The following FRA10AC1 variants were observed in gnomAD, a reference collection of about 807,000 sequenced individuals.
FRA10AC1 encodes the protein protein FRA10AC1.
FRA10AC1 carries 43 observed loss-of-function variants against 56.5 expected under a neutral mutation model. The ratio of observed to expected loss-of-function variants is 0.76; its 90% confidence interval spans 0.60 to 0.98. FRA10AC1 has a LOEUF of 0.98. FRA10AC1 is among the 50% of genes least tolerant of loss of function. FRA10AC1 has a pLI of 0.00. For missense variants in FRA10AC1, 346 were observed against 351.8 expected (o/e 0.98, Z 0.13); for synonymous variants, 112 against 110.5 (o/e 1.01, Z -0.09).
chr10:93,699,923 T>C (rs1474079477), intron 2 of FRA10AC1, 107 bp downstream of exon 2: 2 of 636,522 alleles, frequency 3.1e-6, no homozygotes, highest in African/African-American at 1.9e-5. Flanking sequence ...CTAGAGCAAT[T>C]GTCTTCACAT....
chr10:93,692,999 G>A (rs1212242858), intron 5 of FRA10AC1, among the ~76,000 whole-genome samples: 1 of 152,054 alleles, frequency 6.6e-6, no homozygotes, highest in Non-Finnish European at 1.5e-5. Flanking sequence ...AGTTACCAAA[G>A]CTAGAATGAG....
chr10:93,673,397 T>C (rs1420738892), intron 12 of FRA10AC1: 1 of 456,248 alleles, frequency 2.2e-6, no homozygotes, highest in Admixed American at 2.4e-5. Context: ...ATTTCAAGTT[T>C]TCTCCATACC....
At chr10:93,680,811 C>T (rs186755130) in intron 11 of FRA10AC1, among the ~76,000 whole-genome samples, 292 of 152,246 alleles carry the variant, frequency 1.9e-3, no homozygotes, top group Non-Finnish European at 2.1e-3. Flanking sequence ...GTTTCAACTT[C>T]TGAACAATTC....
At chr10:93,676,066 A>G (rs1183198544) in intron 12 of FRA10AC1, among the ~76,000 whole-genome samples, 1 of 152,216 alleles carries the variant, frequency 6.6e-6, no homozygotes, top group East Asian at 1.9e-4. Context: ...AAGAACACTG[A>G]CAAATCTGTG....
rs750934916 is a variant in FRA10AC1 at position 93,676,689 on chromosome 10, G to A, written c.790C>T (p.His264Tyr). 15 of 1,567,114 alleles carry A rather than the reference G, an allele frequency of 9.6e-6. No homozygotes were observed. Among genetic ancestry groups the A allele is most frequent in the Middle Eastern group, 1.7e-4 (1 of 5,924 alleles). Residue 264 changes from histidine to tyrosine, a missense_variant and splice_region_variant, in exon 12 of 14, where the codon CAT becomes TAT. By Grantham distance (83) the His-to-Tyr change is moderately conservative. Transcript: ENST00000359204. ...TCTTCAGATTTCTTTGAAGATGAAT[G>A]TCCTGAAAAGGAAACATCATTGATT... ...EEASKKKDKG[H>Y]SSSKKSEDSL...
chr10:93,694,642 C>T (rs1000478477), intron 5 of FRA10AC1, among the ~76,000 whole-genome samples: 1 of 144,026 alleles, frequency 6.9e-6, no homozygotes, highest in Non-Finnish European at 1.5e-5. Context: ...TGAACCACAG[C>T]GGCACAGGTT....
rs2275439 is a variant in FRA10AC1 at position 93,695,141 on chromosome 10, T to C, written c.220-204A>G. On this transcript the variant is annotated intron_variant, in intron 4 of 13. Transcript: ENST00000359204. ...AAGTGAAGATTGTAAAGTACAGGCT[T>C]TCTTTTGACTATTTTTCAAGCATAT... 1.4e-3 allele frequency among the ~76,000 whole-genome samples: 214 copies of C among 152,260 alleles called. 4 individuals are homozygous for C. In the East Asian group the frequency reaches 0.036, roughly 26 times the overall value.
rs150512803 is a variant in FRA10AC1, at chr10:93,685,223, T to G, written c.625+23A>C. 603 of 996,890 alleles carry G rather than the reference T, an allele frequency of 6.0e-4. 3 individuals are homozygous for G. The African/African-American group carries it at 8.7e-3, about 14-fold the overall frequency. 61.8% of individuals were successfully genotyped at this position (996,890 alleles called of 1,614,324 possible). On this transcript the variant is annotated intron_variant, in intron 9 of 13. Transcript: ENST00000359204. ...AAGACAAACTTGGAAGAATCAATCATATACCCCCTAAAATCAACTTACTTA... is the reference window on the plus strand; with the variant it reads ...AAGACAAACTTGGAAGAATCAATCAGATACCCCCTAAAATCAACTTACTTA...
Position 93,698,137 on chromosome 10 carries a change from G to T in FRA10AC1, c.218C>A (p.Ala73Asp). Residue 73 changes from alanine to aspartate, a missense_variant and splice_region_variant, in exon 4 of 14, where the codon GCT becomes GAT. Ala to Asp is a moderately radical substitution (Grantham distance 126). Transcript: ENST00000359204. Reference sequence around the variant, plus strand: ...AATCTGGAAATAAAAAAAGGATACAGCATCCATAGCTATGAGATGAAACCT... The same window carrying T: ...AATCTGGAAATAAAAAAAGGATACATCATCCATAGCTATGAGATGAAACCT... The part of the protein sequence containing the change: ...NRRFHLIAMD[A>D]YQRHTKFVND... 6.5e-7 allele frequency: 1 copy of T among 1,528,626 alleles called. No homozygotes were observed. Among genetic ancestry groups the T allele is most frequent in the East Asian group, 2.3e-5 (1 of 43,432 alleles). 94.7% of individuals were successfully genotyped at this position (1,528,626 alleles called of 1,614,324 possible). A position where few individuals can be genotyped will look rare whatever the true frequency, so the allele number is the denominator to read the frequency against.
chr10:93,686,035 A>G (rs989214628), intron 8 of FRA10AC1, among the ~76,000 whole-genome samples: 1 of 151,812 alleles, frequency 6.6e-6, no homozygotes, highest in Admixed American at 6.6e-5. Context: ...TGATAACCTG[A>G]GAGAAAAAAA....
At chr10:93,687,495 T>C (rs1384051230) in intron 7 of FRA10AC1, 46 bp from the exon 8 acceptor site, 7 of 1,416,266 alleles carry the variant, frequency 4.9e-6, no homozygotes, top group South Asian at 1.4e-5. Flanking sequence ...ATTTAAATTA[T>C]ACAGAAATCT....
chr10:93,689,817 T>C (rs1019630372), intron 7 of FRA10AC1, among the ~76,000 whole-genome samples: 2 of 152,182 alleles, frequency 1.3e-5, no homozygotes, highest in African/African-American at 4.8e-5. Context: ...TCTGCACTCA[T>C]CACAATGAGG....
intron 9 of FRA10AC1, 145 bp from the exon 10 acceptor site, chr10:93,684,243 A>G: frequency 6.6e-6 from 4 of 606,980 alleles, no homozygotes; most frequent in Non-Finnish European, 1.2e-5. Context: ...TCTGACCTTC[A>G]TCACCTCAAA....
chr10:93,695,222 C>T (rs1170185320), intron 4 of FRA10AC1, among the ~76,000 whole-genome samples: 2 of 151,972 alleles, frequency 1.3e-5, no homozygotes, highest in African/African-American at 4.8e-5. Flanking sequence ...GCTTCTTATT[C>T]TATTGCTGAA....
intron 7 of FRA10AC1, 139 bp downstream of exon 7, chr10:93,691,870 A>T: frequency 1.1e-6 from 1 of 902,760 alleles, no homozygotes; most frequent in Non-Finnish European, 1.6e-6. Context: ...TAAATGGTCC[A>T]AATGACACAT....
Position 93,669,352 on chromosome 10 carries a change from A to T in FRA10AC1, c.*474T>A, listed in dbSNP as rs774137977. The T allele has an allele frequency of 3.2e-4, 49 of 152,970 alleles. No individual in the cohort carries two copies. Among genetic ancestry groups the T allele is most frequent in the African/African-American group, 1.2e-3 (49 of 41,568 alleles). The allele number at this position is 152,970 out of a possible 1,614,324, so 9.5% of individuals were successfully genotyped here. ...TGGGAGGCCAGGGTGGGAGGAATGC[A>T]TAAGGCCAGGAGTTTGAATACCAGC... On this transcript the variant is annotated 3_prime_UTR_variant, in exon 14 of 14. Coordinates refer to ENST00000359204, the MANE Select transcript of FRA10AC1 (RefSeq NM_145246.5).
At position 93,694,909 on chromosome 10, in the gene FRA10AC1, T is replaced by A; in HGVS notation, c.248A>T (p.Asp83Val). 6.3e-7 allele frequency: 1 copy of A among 1,579,240 alleles called. No homozygotes were observed. The highest frequency in any genetic ancestry group is 8.7e-7 in the Non-Finnish European group (1 of 1,148,432). The change falls in exon 5 of 14, where the codon GAC (aspartate) becomes GTC (valine). Residue 83 changes from aspartate (D) to valine (V), a missense_variant. Coordinates refer to ENST00000359204, the MANE Select transcript of FRA10AC1 (RefSeq NM_145246.5). ...AYQRHTKFVN[D>V]YILYYGGKKE... ...TTTGCCACCATAGTATAAAATATAG[T>A]CATTTACGAACTTTGTATGTCTTTG...
At chr10:93,695,362 T>A (rs1275842137) in intron 4 of FRA10AC1, among the ~76,000 whole-genome samples, 1 of 151,828 alleles carries the variant, frequency 6.6e-6, no homozygotes, top group East Asian at 1.9e-4. Context: ...TTAGTAATGA[T>A]AAAGCCTCTA....
chr10:93,702,235 T>G (rs2059346116), intron 1 of FRA10AC1, 140 bp downstream of exon 1: 1 of 147,194 alleles, frequency 6.8e-6, no homozygotes. Context: ...ATGCCAGGTG[T>G]CTCCAGAATC....
Sources: gnomAD v4.1 joint callset for allele counts (sites outside exome capture counted in the v4.1 genomes callset) on GRCh38, gnomAD v4.1.1 for gene constraint, MANE v1.5 for transcripts, NCBI Gene and HGNC (gene_info 2026-07-23, HGNC 2026-07-21) for gene names.